THNSL2: variants seen among roughly 807,000 people sequenced by gnomAD.
THNSL2 encodes threonine synthase-like 2.
THNSL2 carries 34 observed loss-of-function variants against 40.0 expected under a neutral mutation model. That is an observed-to-expected ratio of 0.85 (90% CI 0.65 to 1.13). The LOEUF (loss-of-function observed/expected upper bound fraction) is 1.13, where lower values mean the gene tolerates loss of function less well. Ranked by LOEUF, THNSL2 falls within the 50% of genes most tolerant of loss-of-function variation. The pLI, the probability that THNSL2 is intolerant of heterozygous loss-of-function variation, is 0.00. For synonymous variants in THNSL2, 241 were observed against 247.5 expected (o/e 0.97, Z 0.25); for missense variants, 537 against 608.8 (o/e 0.88, Z 1.24).
chr2:88,182,845 C>T lies in THNSL2; in HGVS notation c.949C>T (p.Gln317Ter). ...KSTLASAMDI[Q>*]VPYNMERVFW... ...AACCTTGGCATCAGCTATGGACATT[C>T]AGGTAGGCCTGGGGGAGGTGTGCAG... The change falls in exon 6 of 9, where the codon CAG becomes TAG. Residue 317 changes from glutamine (Q) to a stop codon, truncating the protein, a stop_gained and splice_region_variant. Coordinates refer to ENST00000674334, the MANE Select transcript of THNSL2 (RefSeq NM_018271.5). LOFTEE classifies it high-confidence loss of function. 1 of 1,614,048 alleles carries T rather than the reference C, an allele frequency of 6.2e-7. No individual in the cohort carries two copies. The highest frequency in any genetic ancestry group is 1.7e-5 in the Admixed American group (1 of 60,026).
intron 6 of THNSL2, 48 bp from the exon 7 acceptor site, chr2:88,182,900 T>C (rs757862680): frequency 1.2e-6 from 2 of 1,612,224 alleles, no homozygotes; most frequent in Admixed American, 3.3e-5. Context: ...TGGGTGGGGC[T>C]CGATGGGGCT....
At chr2:88,173,942 C>T (rs1024213608) in intron 2 of THNSL2, among the ~76,000 whole-genome samples, 3 of 152,178 alleles carry the variant, frequency 2.0e-5, no homozygotes, top group Admixed American at 6.5e-5. Flanking sequence ...CCATGAGCCA[C>T]ACTTTAAACA....
At chr2:88,185,547 G>A (rs1219032392) in intron 8 of THNSL2, 68 bp downstream of exon 8, 1 of 1,554,804 alleles carries the variant, frequency 6.4e-7, no homozygotes, top group Non-Finnish European at 8.7e-7. Flanking sequence ...TCTTCTCCAA[G>A]CAGTGGGAGA....
Position 88,182,370 on chromosome 2 carries a change from C to T in THNSL2, c.803-329C>T, listed in dbSNP as rs570870965. Among the ~76,000 whole-genome samples the T allele has an allele frequency of 7.2e-5, 11 of 152,298 alleles. No homozygotes were observed. In the South Asian group the frequency reaches 1.7e-3, roughly 23 times the overall value. ...TTCCTTCATGACTAATGATGTTGAA[C>T]ATCTTTTCATGTGCTCATTGGCCAT... On this transcript the variant is annotated intron_variant, in intron 5 of 8. Coordinates refer to ENST00000674334, the MANE Select transcript of THNSL2 (RefSeq NM_018271.5).
intron 1 of THNSL2, among the ~76,000 whole-genome samples, chr2:88,170,787 A>C (rs1247564431): frequency 6.6e-6 from 1 of 152,020 alleles, no homozygotes; most frequent in Non-Finnish European, 1.5e-5. Context: ...TGGCGGGATG[A>C]CTGGCACCGG....
intron 5 of THNSL2, among the ~76,000 whole-genome samples, chr2:88,181,110 TCCTCTCTCTCTC>T (rs1677504598): frequency 5.9e-4 from 2 of 3,364 alleles, no homozygotes; most frequent in Non-Finnish European, 7.1e-4. Flanking sequence ...CTCCTCTCTC[TCCTCTCTCTCTC>T]CTCTCTCTCC....
In THNSL2 at chr2:88,170,421, C is replaced by T. The variant is rs1343941898; in HGVS notation, c.-48C>T. 1 of 53,936 alleles carries T rather than the reference C, an allele frequency of 1.9e-5. No individual in the cohort carries two copies. Among genetic ancestry groups the T allele is most frequent in the African/African-American group, 4.2e-5 (1 of 23,672 alleles). 3.3% of individuals were successfully genotyped at this position (53,936 alleles called of 1,614,324 possible). A position where few individuals can be genotyped will look rare whatever the true frequency, so the allele number is the denominator to read the frequency against. ...CCTGCTGCGCACCGGGCCTCGCGCCCCGCGCCCCGCGCCCCGCGCCCCGCG... is the reference window on the plus strand; with the variant it reads ...CCTGCTGCGCACCGGGCCTCGCGCCTCGCGCCCCGCGCCCCGCGCCCCGCG... On this transcript the variant is annotated 5_prime_UTR_variant, in exon 1 of 9. Coordinates refer to ENST00000674334, the MANE Select transcript of THNSL2 (RefSeq NM_018271.5).
In THNSL2 at chr2:88,186,010, G is replaced by C; in HGVS notation, c.1342G>C (p.Glu448Gln). ...PAEIVALEHK[E>Q]TRCTLMRRGD... ...GGAGATCGTAGCCCTGGAGCACAAG[G>C]AGACACGCTGCACCCTGATGCGGAG... The change falls in exon 9 of 9, where the codon GAG becomes CAG. Residue 448 changes from glutamate to glutamine, a missense_variant. Glu to Gln is a conservative substitution (Grantham distance 29). Coordinates refer to ENST00000674334, the MANE Select transcript of THNSL2 (RefSeq NM_018271.5). 1 of 1,610,746 alleles carries C rather than the reference G, an allele frequency of 6.2e-7. No homozygotes were observed.
intron 2 of THNSL2, among the ~76,000 whole-genome samples, 175 bp downstream of exon 2, chr2:88,173,548 G>T (rs565721299): frequency 6.6e-6 from 1 of 151,344 alleles, no homozygotes; most frequent in Admixed American, 6.6e-5. Context: ...GAAAGATTTC[G>T]TCCTGTCTCC....
intron 7 of THNSL2, 144 bp downstream of exon 7, chr2:88,183,217 T>A (rs1024263150): frequency 9.0e-7 from 1 of 1,105,626 alleles, no homozygotes; most frequent in Admixed American, 2.9e-5. Flanking sequence ...CCACTTTACA[T>A]GGAATAATTT....
Position 88,173,139 on chromosome 2 carries a change from G to A in THNSL2, c.-12G>A. ...GCTTCTGGGACTGTCCTCTCTGCAG[G>A]CCTCCAGGATCATGTGGTATGTCAG... is the stretch of plus-strand genomic sequence containing the variant. On this transcript the variant is annotated splice_region_variant and 5_prime_UTR_variant, in exon 2 of 9. Coordinates refer to ENST00000674334, the MANE Select transcript of THNSL2 (RefSeq NM_018271.5). The A allele has an allele frequency of 1.5e-5, 23 of 1,515,320 alleles. No individual in the cohort carries two copies. Among genetic ancestry groups the A allele is most frequent in the Non-Finnish European group, 2.0e-5 (23 of 1,128,986 alleles). 93.9% of individuals were successfully genotyped at this position (1,515,320 alleles called of 1,614,324 possible).
chr2:88,182,630 C>A (rs1677805068), intron 5 of THNSL2, 69 bp from the exon 6 acceptor site: 1 of 1,432,174 alleles, frequency 7.0e-7, no homozygotes, highest in Non-Finnish European at 9.3e-7. Context: ...TTTGATGAAG[C>A]CCAATTTACT....
rs1280313770 is a variant in THNSL2 at position 88,173,342 on chromosome 2, C to G, written c.192C>G (p.Gly64=). ...AGGAGCTGTGTGCCCTCTTCATTGG[C>G]TCTGAGCTCCTTCCAAAAGATGAAT... ...LVKELCALFI[G]SELLPKDELN... is the part of the protein sequence containing the mutation. The change falls in exon 2 of 9, where the codon GGC becomes GGG. Residue 64 remains glycine (G), a synonymous_variant. Transcript: ENST00000674334. 6.2e-7 allele frequency: 1 copy of G among 1,609,030 alleles called. No individual in the cohort carries two copies. The highest frequency in any genetic ancestry group is 8.5e-7 in the Non-Finnish European group (1 of 1,177,812).
At position 88,182,739 on chromosome 2, in the gene THNSL2, G is replaced by T; in HGVS notation, c.843G>T (p.Leu281=). The T allele has an allele frequency of 6.2e-7, 1 of 1,613,884 alleles. No individual in the cohort carries two copies. The highest frequency in any genetic ancestry group is 8.5e-7 in the Non-Finnish European group (1 of 1,179,902). The stretch of plus-strand genomic sequence containing the variant: ...AAAAGATAGGCCTGCCCATCCGTCT[G>T]GTCGTGGCAGTGAACCGCAATGACA... ...IAQKIGLPIR[L]VVAVNRNDII... is the part of the protein sequence containing the mutation. The change falls in exon 6 of 9, where the codon CTG becomes CTT. Residue 281 remains leucine (L), a synonymous_variant. Coordinates refer to ENST00000674334, the MANE Select transcript of THNSL2 (RefSeq NM_018271.5).
chr2:88,185,359 C>T lies in THNSL2; in HGVS notation c.1109C>T (p.Ser370Leu), dbSNP rs755319649. ...GAGGCAGTGACATCCGTGTCAGTGT[C>T]GGATGAAGCCATCACCCAGACCATG... Reference protein sequence around the residue: ...LSEAVTSVSVSDEAITQTMGR... With the variant: ...LSEAVTSVSVLDEAITQTMGR... Residue 370 changes from serine (S) to leucine (L), a missense_variant, in exon 8 of 9, where the codon TCG becomes TTG. Physicochemically the swap from Ser to Leu is moderately radical, Grantham distance 145. Coordinates refer to ENST00000674334, the MANE Select transcript of THNSL2 (RefSeq NM_018271.5). 1.2e-5 allele frequency: 20 copies of T among 1,613,864 alleles called. No individual in the cohort carries two copies. The highest frequency in any genetic ancestry group is 5.3e-5 in the African/African-American group (4 of 74,970).
chr2:88,185,427 TC>T lies in THNSL2; in HGVS notation c.1178del (p.Ser393Ter), dbSNP rs1451863272. Reference sequence around the variant, plus strand: ...GAACCAGTACTTGCTGTGCCCCCACTCAGCGGTGGCCGTGAACTACCATTAC... The same window carrying T: ...GAACCAGTACTTGCTGTGCCCCCACTAGCGGTGGCCGTGAACTACCATTAC... Reference protein sequence around the residue: ...DENQYLLCPHSAVAVNYHYQQ... With the variant: ...DENQYLLCPHXAVAVNYHYQQ... On this transcript the variant is annotated frameshift_variant, in exon 8 of 9. Coordinates refer to ENST00000674334, the MANE Select transcript of THNSL2 (RefSeq NM_018271.5). LOFTEE classifies it high-confidence loss of function. The T allele has an allele frequency of 6.2e-7, 1 of 1,613,918 alleles. No individual in the cohort carries two copies. The highest frequency in any genetic ancestry group is 8.5e-7 in the Non-Finnish European group (1 of 1,179,978).
At chr2:88,171,913 A>C (rs1208432995) in intron 1 of THNSL2, 1 of 152,368 alleles carries the variant, frequency 6.6e-6, no homozygotes, top group African/African-American at 2.4e-5. Flanking sequence ...TAATATTTGT[A>C]GTTAAGAGAG....
chr2:88,180,232 T>G (rs955665336), intron 5 of THNSL2, among the ~76,000 whole-genome samples: 30 of 152,354 alleles, frequency 2.0e-4, no homozygotes, highest in African/African-American at 7.2e-4. Context: ...CCATCTTTGC[T>G]CTGTCAGGAA....
intron 1 of THNSL2, chr2:88,171,264 G>T (rs1299117679): frequency 4.4e-6 from 2 of 456,360 alleles, no homozygotes; most frequent in South Asian, 3.1e-5. Flanking sequence ...CCCCTGGAAG[G>T]CATTGGACAG....
Sources: allele counts gnomAD v4.1 joint callset (sites outside exome capture counted in the v4.1 genomes callset), GRCh38; gene constraint gnomAD v4.1.1; transcripts MANE v1.5; gene names NCBI Gene and HGNC (gene_info 2026-07-23, HGNC 2026-07-21).